MYH6: variants seen among roughly 807,000 people sequenced by gnomAD.
MYH6 encodes myosin-6.
MYH6 carries 126 observed loss-of-function variants against 223.2 expected under a neutral mutation model. The observed-to-expected ratio is 0.56, with a 90% CI of 0.49 to 0.65. The LOEUF is 0.65. Ranked by LOEUF, MYH6 falls within the 30% of genes least tolerant of loss-of-function variation. MYH6 has a pLI of 0.00. For missense variants in MYH6, 2,040 were observed against 2,536.4 expected (o/e 0.80, Z 4.20); for synonymous variants, 978 against 1,010.2 (o/e 0.97, Z 0.61).
chr14:23,394,215 C>T lies in MYH6; in HGVS notation c.2538G>A (p.Glu846=), dbSNP rs730880150. The T allele has an allele frequency of 3.1e-6, 5 of 1,614,250 alleles. No homozygotes were observed. Among genetic ancestry groups the T allele is most frequent in the Middle Eastern group, 1.6e-4 (1 of 6,062 alleles). The change falls in exon 21 of 39, where the codon GAG becomes GAA. Residue 846 remains glutamate, a synonymous_variant. Transcript: ENST00000405093. ...FKIKPLLKSA[E]TEKEMATMKE... Reference sequence around the variant, plus strand: ...TCATGGTGGCCATCTCCTTCTCCGTCTCTGCGCTCTTCAGCAGCGGCTTGA... The same window carrying T: ...TCATGGTGGCCATCTCCTTCTCCGTTTCTGCGCTCTTCAGCAGCGGCTTGA...
chr14:23,392,896 C>T lies in MYH6; in HGVS notation c.3251+16G>A, dbSNP rs760288146. The T allele has an allele frequency of 1.2e-6, 2 of 1,612,854 alleles. No homozygotes were observed. Among genetic ancestry groups the T allele is most frequent in the African/African-American group, 2.7e-5 (2 of 75,022 alleles). ...GACACCTCCATTAGCCCCTCCTGGC[C>T]ACCACAGTCTCCTACTTCTTAAGCT... On this transcript the variant is annotated intron_variant, in intron 24 of 38. Transcript: ENST00000405093.
intron 37 of MYH6, 69 bp downstream of exon 37, chr14:23,383,156 G>A: frequency 7.4e-7 from 1 of 1,345,222 alleles, no homozygotes; most frequent in South Asian, 1.2e-5. Context: ...CCCCTCTGTA[G>A]GAGATATTCA....
intron 7 of MYH6, 75 bp downstream of exon 7, chr14:23,404,636 G>A (rs1051221540): frequency 7.1e-7 from 1 of 1,410,158 alleles, no homozygotes; most frequent in Non-Finnish European, 1.0e-6. Flanking sequence ...GTCACAGGGA[G>A]GGGAGGGTTA....
rs760353963 is a variant in MYH6, at chr14:23,383,233, C to T, written c.5653G>A (p.Glu1885Lys). The change falls in exon 37 of 39, where the codon GAG becomes AAG. Residue 1885 changes from glutamate (E) to lysine (K), a missense_variant. By Grantham distance (56) the Glu-to-Lys change is moderately conservative. Coordinates refer to ENST00000405093, the MANE Select transcript of MYH6 (RefSeq NM_002471.4). ...LKVKAYKRQA[E>K]EAEEQANTNL... is the part of the protein sequence containing the mutation. ...GAAAGCTCTGAACTCACCGCCTCCT[C>T]GGCCTGGCGCTTGTAGGCCTTGACC... 1.2e-5 allele frequency: 19 copies of T among 1,577,432 alleles called. No individual in the cohort carries two copies. Among genetic ancestry groups the T allele is most frequent in the East Asian group, 4.8e-5 (2 of 41,530 alleles).
At chr14:23,392,849 C>G in intron 24 of MYH6, 63 bp downstream of exon 24, 1 of 1,605,498 alleles carries the variant, frequency 6.2e-7, no homozygotes, top group South Asian at 1.1e-5. Flanking sequence ...GCGCAGCACC[C>G]TGCACTCTAT....
In MYH6 at chr14:23,399,042, G is replaced by A; in HGVS notation, c.1582-5C>T. The A allele has an allele frequency of 1.2e-6, 2 of 1,614,036 alleles. No homozygotes were observed. Among genetic ancestry groups the A allele is most frequent in the South Asian group, 1.1e-5 (1 of 91,064 alleles). On this transcript the variant is annotated splice_polypyrimidine_tract_variant and splice_region_variant and intron_variant, in intron 14 of 38. Transcript: ENST00000405093. ...GATGGACATGATGCCCATGGGCTGA[G>A]GGCAGGGTGAAGAGGCAAAGAGAGA...
chr14:23,383,341 G>GGGGGCCCCCCCCCCCCCCCC, intron 36 of MYH6, 21 bp from the exon 37 acceptor site: 1 of 556,570 alleles, frequency 1.8e-6, no homozygotes, highest in Non-Finnish European at 3.3e-6. Flanking sequence ...GAGGGTGGGA[G>GGGGGCCCCCCCCCCCCCCCC]AAGCTGGTTT....
intron 7 of MYH6, 114 bp from the exon 8 acceptor site, chr14:23,404,502 C>A: frequency 2.3e-6 from 3 of 1,298,130 alleles, no homozygotes; most frequent in South Asian, 1.2e-5. Context: ...CTGGGTGAAC[C>A]GCTAGTGGGT....
chr14:23,396,915 A>G (rs951606412), intron 18 of MYH6, 48 bp downstream of exon 18: 2 of 1,612,482 alleles, frequency 1.2e-6, no homozygotes, highest in Non-Finnish European at 1.7e-6. Flanking sequence ...CCATCAGGGC[A>G]GCCTGGCTCC....
intron 33 of MYH6, 29 bp downstream of exon 33, chr14:23,386,286 C>T: frequency 2.5e-6 from 4 of 1,614,030 alleles, no homozygotes; most frequent in Non-Finnish European, 3.4e-6. Context: ...GAGGCCAGTC[C>T]CCTGAGGGGA....
At chr14:23,397,803 T>G (rs565434783) in intron 15 of MYH6, among the ~76,000 whole-genome samples, 190 bp from the exon 16 acceptor site, 2 of 152,300 alleles carry the variant, frequency 1.3e-5, no homozygotes, top group South Asian at 4.1e-4. Context: ...AGACCACGCC[T>G]GTAGGGCAGC....
intron 10 of MYH6, 101 bp from the exon 11 acceptor site, chr14:23,402,901 G>T: frequency 1.3e-6 from 1 of 798,654 alleles, no homozygotes; most frequent in East Asian, 2.6e-5. Context: ...GGAGGGGTAA[G>T]GGACGGGGTG....
At chr14:23,391,674 G>A (rs764241195) in intron 25 of MYH6, among the ~76,000 whole-genome samples, 1 of 152,194 alleles carries the variant, frequency 6.6e-6, no homozygotes, top group Non-Finnish European at 1.5e-5. Context: ...CCCAGTAGCC[G>A]AGTTCCTGTT....
In MYH6 at chr14:23,383,339, G is replaced by GGGGCCCCCCCCCCCC; in HGVS notation, c.5566-20_5566-19insGGGGGGGGGGGGCCC. ...CCTCTGTCTGGGGGTGGGAGGGTGG[G>GGGGCCCCCCCCCCCC]AGAAGCTGGTTTGGAGGGGGAGCAA... On this transcript the variant is annotated intron_variant, in intron 36 of 38. Coordinates refer to ENST00000405093, the MANE Select transcript of MYH6 (RefSeq NM_002471.4). 1 of 108,190 alleles carries GGGGCCCCCCCCCCCC rather than the reference G, an allele frequency of 9.2e-6. No individual in the cohort carries two copies. The highest frequency in any genetic ancestry group is 1.8e-5 in the Non-Finnish European group (1 of 54,374). 6.7% of individuals were successfully genotyped at this position (108,190 alleles called of 1,614,324 possible). A position where few individuals can be genotyped will look rare whatever the true frequency, so the allele number is the denominator to read the frequency against.
At position 23,396,264 on chromosome 14, in the gene MYH6, C is replaced by T; in HGVS notation, c.2429+20G>A. The stretch of plus-strand genomic sequence containing the variant: ...GCCTCTACATCTCTAGTGCATGCCT[C>T]CCTTTTCCTCCTGTCTCACCTGCGT... On this transcript the variant is annotated intron_variant, in intron 20 of 38. Coordinates refer to ENST00000405093, the MANE Select transcript of MYH6 (RefSeq NM_002471.4). The T allele has an allele frequency of 6.2e-7, 1 of 1,614,030 alleles. No homozygotes were observed. Among genetic ancestry groups the T allele is most frequent in the South Asian group, 1.1e-5 (1 of 91,020 alleles).
intron 15 of MYH6, among the ~76,000 whole-genome samples, chr14:23,397,870 TC>T (rs1370952278): frequency 1.3e-5 from 2 of 152,110 alleles, no homozygotes; most frequent in Non-Finnish European, 2.9e-5. Flanking sequence ...TAGCTCTCCC[TC>T]TACTTGCCCT....
intron 7 of MYH6, 23 bp downstream of exon 7, chr14:23,404,688 C>A: frequency 1.2e-6 from 2 of 1,607,844 alleles, no homozygotes; most frequent in Non-Finnish European, 1.7e-6. Flanking sequence ...CCTGTTCTGC[C>A]GAGCCTGTGT....
chr14:23,397,279 G>T (rs1307390545), intron 16 of MYH6, 22 bp from the exon 17 acceptor site: 1 of 1,608,912 alleles, frequency 6.2e-7, no homozygotes, highest in Admixed American at 1.7e-5. Flanking sequence ...TGAAGGTGGG[G>T]AGTTAGGAGC....
intron 9 of MYH6, 77 bp downstream of exon 9, chr14:23,403,638 T>G (rs1485226530): frequency 1.4e-5 from 19 of 1,392,588 alleles, no homozygotes; most frequent in Non-Finnish European, 1.8e-5. Context: ...ATGGCAGGAA[T>G]GATGAGACTG....
Sources: allele counts gnomAD v4.1 joint callset (sites outside exome capture counted in the v4.1 genomes callset), GRCh38; gene constraint gnomAD v4.1.1; transcripts MANE v1.5; gene names NCBI Gene and HGNC (gene_info 2026-07-23, HGNC 2026-07-21).